HDAC9: variants seen among roughly 807,000 people sequenced by gnomAD.
HDAC9 encodes histone deacetylase 9.
A neutral mutation model predicts 139.4 loss-of-function variants in HDAC9; 41 were observed. That is an observed-to-expected ratio of 0.29 (90% CI 0.23 to 0.38). The LOEUF (loss-of-function observed/expected upper bound fraction) is 0.38. Among genes scored for constraint, HDAC9 ranks in the 10% least tolerant of loss-of-function variants. The probability of loss-of-function intolerance (pLI) is 1.00; values close to 1 mark genes in which losing one functional copy is unlikely to be tolerated. For synonymous variants in HDAC9, 517 were observed against 476.2 expected (o/e 1.09, Z -1.12); for missense variants, 1,147 against 1,297.0 (o/e 0.88, Z 1.78).
intron 2 of HDAC9, among the ~76,000 whole-genome samples, chr7:18,171,402 T>G (rs908813204): frequency 3.3e-5 from 5 of 152,210 alleles, no homozygotes; most frequent in African/African-American, 4.8e-5. Context: ...CAGGGACAAT[T>G]TGACTTCCTC....
chr7:18,682,649 A>AAATGTTAT, intron 12 of HDAC9, among the ~76,000 whole-genome samples: 1 of 152,022 alleles, frequency 6.6e-6, no homozygotes, highest in Non-Finnish European at 1.5e-5. Context: ...GTTTTGTTGA[A>AAATGTTAT]AATGTTATAA....
At chr7:18,625,443 G>T (rs1841420817) in intron 6 of HDAC9, among the ~76,000 whole-genome samples, 1 of 152,220 alleles carries the variant, frequency 6.6e-6, no homozygotes, top group South Asian at 2.1e-4. Flanking sequence ...ACTTTGTCAT[G>T]GGATGCTGTC....
chr7:18,102,970 TCA>T (rs1782946328), intron 1 of HDAC9, among the ~76,000 whole-genome samples: 2 of 152,308 alleles, frequency 1.3e-5, no homozygotes, highest in Admixed American at 6.5e-5. Context: ...TAATCTGTTC[TCA>T]CACTGCTAAT....
At chr7:18,987,571 G>T (rs1208993997) in intron 25 of HDAC9, among the ~76,000 whole-genome samples, 1 of 152,222 alleles carries the variant, frequency 6.6e-6, no homozygotes, top group Non-Finnish European at 1.5e-5. Context: ...TCAGGATGAT[G>T]CTGGCCTCAT....
chr7:18,349,708 A>T (rs940862020), intron 1 of HDAC9, among the ~76,000 whole-genome samples: 1 of 148,630 alleles, frequency 6.7e-6, no homozygotes, highest in Non-Finnish European at 1.5e-5. Flanking sequence ...GTTCCTGACA[A>T]AAAAAAAAAT....
chr7:18,937,551 C>T (rs562530739), intron 23 of HDAC9, among the ~76,000 whole-genome samples: 1 of 152,054 alleles, frequency 6.6e-6, no homozygotes, highest in Non-Finnish European at 1.5e-5. Context: ...GAAATAAATG[C>T]TATTTTTATT....
intron 2 of HDAC9, among the ~76,000 whole-genome samples, chr7:18,278,699 G>T (rs1365007996): frequency 6.6e-6 from 1 of 151,888 alleles, no homozygotes; most frequent in Non-Finnish European, 1.5e-5. Flanking sequence ...GTTTTAAATT[G>T]ACTAAAATAT....
intron 1 of HDAC9, among the ~76,000 whole-genome samples, chr7:18,446,530 A>G (rs1046527707): frequency 2.0e-5 from 3 of 152,250 alleles, no homozygotes; most frequent in Non-Finnish European, 4.4e-5. Context: ...TTTTAATTAC[A>G]AAAGTAATAC....
upstream of HDAC9, among the ~76,000 whole-genome samples, chr7:18,490,963 A>G (rs555662588): frequency 6.6e-6 from 1 of 152,104 alleles, no homozygotes; most frequent in African/African-American, 2.4e-5. Flanking sequence ...ATCTTACTTC[A>G]TTTACATTCC....
rs112973500 is a variant in HDAC9, at chr7:18,820,780, G to T, written c.2323-8381G>T. Among the ~76,000 whole-genome samples, 1,093 of 152,240 alleles carry T rather than the reference G, an allele frequency of 7.2e-3. 12 individuals are homozygous for T. The highest frequency in any genetic ancestry group is 0.025 in the African/African-American group (1,037 of 41,534). ...GGGAGTGGGGAGGAGGACATTAATC[G>T]TGTAATAAACATAATAACAACAAAT... On this transcript the variant is annotated intron_variant, in intron 17 of 25. Transcript: ENST00000686413.
intron 2 of HDAC9, among the ~76,000 whole-genome samples, chr7:18,183,111 G>A (rs1328048207): frequency 1.3e-5 from 2 of 151,428 alleles, no homozygotes; most frequent in Non-Finnish European, 2.9e-5. Context: ...CTGGGTTCAC[G>A]CCATTCTCCT....
intron 17 of HDAC9, among the ~76,000 whole-genome samples, chr7:18,824,044 G>GGAAGAGGAAGAGGAAGAGGAAGAA (rs71309048): frequency 3.4e-4 from 23 of 67,176 alleles, no homozygotes; most frequent in South Asian, 1.1e-3. Context: ...AAGAGGAAGA[G>GGAAGAGGAAGAGGAAGAGGAAGAA]GAAGAAGAAG....
At chr7:18,138,006 A>G (rs1375763917) in intron 1 of HDAC9, among the ~76,000 whole-genome samples, 1 of 152,058 alleles carries the variant, frequency 6.6e-6, no homozygotes, top group East Asian at 1.9e-4. Flanking sequence ...CTATTCAGAG[A>G]TTCAACTTCT....
chr7:18,807,996 A>G (rs1282133551), intron 17 of HDAC9: 2 of 152,020 alleles, frequency 1.3e-5, no homozygotes, highest in African/African-American at 4.8e-5. Context: ...TTTTTTGTGG[A>G]TGATCTATAT....
At chr7:18,343,498 G>C (rs1782170874) in intron 1 of HDAC9, among the ~76,000 whole-genome samples, 1 of 151,774 alleles carries the variant, frequency 6.6e-6, no homozygotes, top group South Asian at 2.1e-4. Flanking sequence ...CCTAGTGTAT[G>C]GTGTGTTCAG....
intron 12 of HDAC9, among the ~76,000 whole-genome samples, chr7:18,724,866 C>T (rs1472948153): frequency 2.0e-5 from 3 of 152,046 alleles, no homozygotes; most frequent in Non-Finnish European, 2.9e-5. Context: ...CATGCAATAA[C>T]TCTAATATAT....
chr7:18,307,779 G>C (rs1562861852), intron 1 of HDAC9, among the ~76,000 whole-genome samples: 2 of 151,984 alleles, frequency 1.3e-5, no homozygotes, highest in Non-Finnish European at 2.9e-5. Flanking sequence ...CTCCAGCCTG[G>C]GTGACAGAGT....
intron 2 of HDAC9, among the ~76,000 whole-genome samples, chr7:18,273,188 T>C (rs1216450932): frequency 6.7e-6 from 1 of 148,862 alleles, no homozygotes; most frequent in East Asian, 2.0e-4. Flanking sequence ...CACCTCAGCC[T>C]CCTGAGTAGC....
At chr7:18,137,067 T>A (rs1429760653) in intron 1 of HDAC9, among the ~76,000 whole-genome samples, 2 of 144,890 alleles carry the variant, frequency 1.4e-5, no homozygotes, top group Non-Finnish European at 3.0e-5. Context: ...TTTGAAGCAA[T>A]TGTGAATGGG....
Sources: gnomAD v4.1 joint callset for allele counts (sites outside exome capture counted in the v4.1 genomes callset) on GRCh38, gnomAD v4.1.1 for gene constraint, MANE v1.5 for transcripts, NCBI Gene and HGNC (gene_info 2026-07-23, HGNC 2026-07-21) for gene names.